MYO16: variants seen among roughly 807,000 people sequenced by gnomAD.
MYO16 encodes unconventional myosin-XVI.
Under a neutral mutation model 205.3 loss-of-function variants are expected in MYO16, and 94 were observed. The observed-to-expected ratio is 0.46, with a 90% confidence interval of 0.39 to 0.54. MYO16 has a LOEUF of 0.54. Among genes scored for constraint, MYO16 ranks in the 20% least tolerant of loss-of-function variants. The pLI, the probability that MYO16 is intolerant of heterozygous loss-of-function variation, is 0.00. For missense variants in MYO16, 2,315 were observed against 2,387.5 expected (o/e 0.97, Z 0.63); for synonymous variants, 988 against 954.0 (o/e 1.04, Z -0.66).
chr13:109,084,338 G>A (rs535849987), intron 27 of MYO16, among the ~76,000 whole-genome samples: 10 of 123,400 alleles, frequency 8.1e-5, no homozygotes, highest in South Asian at 2.8e-4. Context: ...CGCCTCCTCC[G>A]TGTGAAAGAG....
At chr13:108,726,329 G>A (rs2139581350) in intron 3 of MYO16, among the ~76,000 whole-genome samples, 1 of 152,230 alleles carries the variant, frequency 6.6e-6, no homozygotes, top group Admixed American at 6.5e-5. Flanking sequence ...GGGAGGCCGA[G>A]GTGGGCGGAT....
intron 16 of MYO16, among the ~76,000 whole-genome samples, chr13:108,922,613 C>A (rs1213037667): frequency 6.6e-6 from 1 of 152,198 alleles, no homozygotes; most frequent in East Asian, 1.9e-4. Flanking sequence ...GATTTGCTGT[C>A]ATCTGTCAAA....
chr13:108,602,242 T>C (rs1393369936), intron 1 of MYO16, among the ~76,000 whole-genome samples: 1 of 152,052 alleles, frequency 6.6e-6, no homozygotes, highest in Non-Finnish European at 1.5e-5. Context: ...GCCTCAGGCA[T>C]TCTCTTTTAG....
intron 21 of MYO16, among the ~76,000 whole-genome samples, chr13:109,007,164 G>A (rs937113611): frequency 2.0e-5 from 3 of 152,156 alleles, no homozygotes; most frequent in African/African-American, 7.2e-5. Flanking sequence ...CAAGGCGGGT[G>A]GATCACGAGG....
At chr13:108,617,171 A>G (rs1879377818) in intron 1 of MYO16, among the ~76,000 whole-genome samples, 1 of 152,016 alleles carries the variant, frequency 6.6e-6, no homozygotes, top group African/African-American at 2.4e-5. Flanking sequence ...TCTCAGACTT[A>G]GTGTTTAGCA....
At position 109,127,591 on chromosome 13, in the gene MYO16, G is replaced by T; in HGVS notation, c.4051+41G>T. The T allele has an allele frequency of 6.3e-7, 1 of 1,591,164 alleles. No homozygotes were observed. The highest frequency in any genetic ancestry group is 8.5e-7 in the Non-Finnish European group (1 of 1,173,086). On this transcript the variant is annotated intron_variant, in intron 31 of 34. Transcript: ENST00000457511. The surrounding 1 kb of genome is among the most constrained non-coding windows in gnomAD (Gnocchi z 4.2). Reference sequence around the variant, plus strand: ...GGACCCAGCCTCGTGTTCCGGGCTCGCGCATGCTCTGACTTCGCCTTGGGG... The same window carrying T: ...GGACCCAGCCTCGTGTTCCGGGCTCTCGCATGCTCTGACTTCGCCTTGGGG...
chr13:108,659,246 G>GATATATATGATATATATATATC (rs1439010794), intron 1 of MYO16: 2 of 159,574 alleles, frequency 1.3e-5, no homozygotes, highest in Non-Finnish European at 2.5e-5. Flanking sequence ...TGCTATATAT[G>GATATATATGATATATATATATC]ATATATATGA....
chr13:108,840,483 AT>A (rs1205277823), intron 9 of MYO16, among the ~76,000 whole-genome samples: 2 of 152,184 alleles, frequency 1.3e-5, no homozygotes, highest in Non-Finnish European at 2.9e-5. Context: ...TCATTTGTGT[AT>A]TTATATACTA....
the MYO16 span, among the ~76,000 whole-genome samples, chr13:108,584,083 A>T: frequency 6.6e-6 from 1 of 151,980 alleles, no homozygotes; most frequent in Non-Finnish European, 1.5e-5. Context: ...CCTCCCAAGT[A>T]TCTGGGACTA....
intron 2 of MYO16, among the ~76,000 whole-genome samples, chr13:108,673,737 C>T (rs1882088014): frequency 6.6e-6 from 1 of 152,086 alleles, no homozygotes. Flanking sequence ...CTCTAATTAT[C>T]TTAAATCTGT....
chr13:108,875,916 G>A (rs1415269872), intron 12 of MYO16, among the ~76,000 whole-genome samples: 2 of 152,116 alleles, frequency 1.3e-5, no homozygotes, highest in East Asian at 3.9e-4. Context: ...TGAATCCCAT[G>A]TACACACAGA....
rs375798763 is a variant in MYO16 at position 108,611,720 on chromosome 13, C to T, written c.-39+15481C>T. The stretch of plus-strand genomic sequence containing the variant: ...GTAGTCCAGTTTAATGGTCTTCTGA[C>T]CCAGGGTAGGTAAGCAAGTTGAGAC... On this transcript the variant is annotated intron_variant, in intron 1 of 24. Transcript: ENST00000251041. Among the ~76,000 whole-genome samples, 4 of 152,062 alleles carry T rather than the reference C, an allele frequency of 2.6e-5. No homozygotes were observed. In the South Asian group the frequency reaches 6.2e-4, roughly 24 times the overall value.
At chr13:108,835,211 T>C (rs987462119) in intron 9 of MYO16, among the ~76,000 whole-genome samples, 15 of 152,134 alleles carry the variant, frequency 9.9e-5, no homozygotes, top group African/African-American at 3.4e-4. Flanking sequence ...TGGGAGGTAA[T>C]TGAATCATGA....
At chr13:108,957,383 C>CAAAAAAAAAAA (rs33954239) in intron 16 of MYO16, among the ~76,000 whole-genome samples, 1 of 96,920 alleles carries the variant, frequency 1.0e-5, no homozygotes, top group African/African-American at 4.3e-5. Flanking sequence ...AACTCCATCT[C>CAAAAAAAAAAA]AAAAAAAAAA....
At chr13:109,168,702 G>A (rs1483168290) in intron 33 of MYO16, among the ~76,000 whole-genome samples, 1 of 152,180 alleles carries the variant, frequency 6.6e-6, no homozygotes, top group Admixed American at 6.5e-5. Flanking sequence ...TCCAGCCTGG[G>A]TGACAGAGCC....
At chr13:108,778,915 GTTGT>G (rs139364772) in intron 4 of MYO16, among the ~76,000 whole-genome samples, 6 of 152,014 alleles carry the variant, frequency 3.9e-5, no homozygotes, top group Admixed American at 6.5e-5. Flanking sequence ...TGGCTTATCT[GTTGT>G]TTGTTTGTTT....
the MYO16 span, among the ~76,000 whole-genome samples, chr13:108,582,201 G>A: frequency 1.3e-5 from 2 of 152,006 alleles, no homozygotes; most frequent in African/African-American, 4.8e-5. Flanking sequence ...TCTCTTGACC[G>A]TTTGTGACTG....
chr13:108,557,917 G>T, the MYO16 span, among the ~76,000 whole-genome samples: 12 of 152,140 alleles, frequency 7.9e-5, no homozygotes, highest in Admixed American at 3.9e-4. Context: ...CATATAGATA[G>T]ATAGGTGATA....
intron 7 of MYO16, among the ~76,000 whole-genome samples, chr13:108,807,665 A>G (rs951381800): frequency 6.6e-6 from 1 of 152,156 alleles, no homozygotes; most frequent in African/African-American, 2.4e-5. Context: ...ATAATATTCC[A>G]TCATGATGCT....
Sources: allele counts gnomAD v4.1 joint callset (sites outside exome capture counted in the v4.1 genomes callset), GRCh38; gene constraint gnomAD v4.1.1; non-coding constraint Gnocchi (gnomAD v3.1); transcripts MANE v1.5; gene names NCBI Gene and HGNC (gene_info 2026-07-23, HGNC 2026-07-21).